PCDHA9: variants seen among roughly 807,000 people sequenced by gnomAD.
The protein encoded by PCDHA9 is protocadherin alpha 9.
In PCDHA9, 62 loss-of-function variants were observed where a neutral mutation model predicts 62.0. That is an observed-to-expected ratio of 1.00 (90% CI 0.81 to 1.23). PCDHA9 has a LOEUF of 1.23. Among genes scored for constraint, PCDHA9 ranks in the 50% most tolerant of loss-of-function variants. PCDHA9 has a pLI of 0.00. For missense variants in PCDHA9, 1,205 were observed against 1,249.8 expected (o/e 0.96, Z 0.54); for synonymous variants, 557 against 567.6 (o/e 0.98, Z 0.27).
chr5:140,977,872 T>A (rs1554238851), intron 1 of PCDHA9, among the ~76,000 whole-genome samples: 1 of 152,258 alleles, frequency 6.6e-6, no homozygotes, highest in African/African-American at 2.4e-5. Flanking sequence ...ATGGTAAGTA[T>A]AATGTAGAGG....
At chr5:140,857,103 C>G in intron 1 of PCDHA9, 1 of 1,597,644 alleles carries the variant, frequency 6.3e-7, no homozygotes, top group Non-Finnish European at 8.6e-7. Flanking sequence ...GTGATTGTCA[C>G]TTCTCTGTCT....
chr5:140,968,489 C>T (rs1024952304), intron 1 of PCDHA9: 30 of 1,614,008 alleles, frequency 1.9e-5, no homozygotes, highest in Non-Finnish European at 2.5e-5. Context: ...CATGAATGAC[C>T]ATGCCCCTCA....
chr5:140,972,399 T>C (rs1554234105), intron 1 of PCDHA9, among the ~76,000 whole-genome samples: 2 of 152,062 alleles, frequency 1.3e-5, no homozygotes, highest in South Asian at 2.1e-4. Context: ...TGCTTCACTA[T>C]TGGCAAACCC....
chr5:140,985,739 C>CTTT (rs11372071), intron 3 of PCDHA9, among the ~76,000 whole-genome samples: 39 of 117,922 alleles, frequency 3.3e-4, no homozygotes, highest in Non-Finnish European at 4.1e-4. Context: ...TGATGAATTC[C>CTTT]TTTTTTTTTT....
chr5:140,856,012 G>T, intron 1 of PCDHA9: 1 of 1,547,012 alleles, frequency 6.5e-7, no homozygotes, highest in Non-Finnish European at 8.8e-7. Context: ...GTTCTAGACC[G>T]CTGATTCGTC....
chr5:140,862,833 G>A (rs868966696), intron 1 of PCDHA9: 1 of 575,582 alleles, frequency 1.7e-6, no homozygotes, highest in Non-Finnish European at 3.3e-6. Flanking sequence ...CGCGCGACGC[G>A]GGCATGCCGC....
chr5:140,948,885 T>C (rs2094319889), intron 1 of PCDHA9, among the ~76,000 whole-genome samples: 1 of 151,652 alleles, frequency 6.6e-6, no homozygotes, highest in Non-Finnish European at 1.5e-5. Context: ...TTGCTCTCTT[T>C]TAGATTTTAA....
rs782636217 is a variant in PCDHA9 at position 140,928,409 on chromosome 5, C to T, written c.2395-50540C>T. The T allele has an allele frequency of 1.9e-6, 3 of 1,614,030 alleles. No individual in the cohort carries two copies. The Admixed American group carries it at 5.0e-5, about 27-fold the overall frequency. On this transcript the variant is annotated intron_variant, in intron 1 of 3. Coordinates refer to ENST00000532602, the MANE Select transcript of PCDHA9 (RefSeq NM_031857.2). ...CTGGCAGTGGAATCATCCAGTGGGG[C>T]CATCACTGCCAAAACTTCCTTTGAC...
chr5:141,000,015 G>A (rs960608216), intron 3 of PCDHA9, among the ~76,000 whole-genome samples: 8 of 151,984 alleles, frequency 5.3e-5, no homozygotes, highest in Non-Finnish European at 5.9e-5. Flanking sequence ...CCTCCCCATT[G>A]CTAAGCCTGA....
At chr5:140,861,726 T>C (rs571512824) in intron 1 of PCDHA9, 11 of 216,910 alleles carry the variant, frequency 5.1e-5, no homozygotes, top group African/African-American at 2.6e-4. Flanking sequence ...AATGCTCTGA[T>C]GACTTACATA....
rs1554143145 is a variant in PCDHA9 at position 140,849,656 on chromosome 5, C to T, written c.1161C>T (p.Cys387=). The T allele has an allele frequency of 2.4e-5, 38 of 1,598,658 alleles. 2 individuals are homozygous for T. Among genetic ancestry groups the T allele is most frequent in the Non-Finnish European group, 3.2e-5 (37 of 1,168,036 alleles). The change falls in exon 1 of 4, where the codon TGC becomes TGT. Residue 387 remains cysteine (C), a synonymous_variant. Transcript: ENST00000532602. The part of the protein sequence containing the change: ...LDADANGQVT[C]SLTPHVPFKL... The stretch of plus-strand genomic sequence containing the variant: ...CAGATGCCAACGGGCAGGTTACCTG[C>T]TCCCTGACGCCCCACGTCCCCTTCA...
chr5:140,944,317 A>G (rs2093641596), intron 1 of PCDHA9, among the ~76,000 whole-genome samples: 2 of 152,090 alleles, frequency 1.3e-5, no homozygotes. Flanking sequence ...CCTCCTGAGT[A>G]GCTGGGATTA....
rs560247030 is a variant in PCDHA9, at chr5:140,910,414, C to T, written c.2394+59525C>T. On this transcript the variant is annotated intron_variant, in intron 1 of 3. Transcript: ENST00000532602. ...GACTGGCCCCTGCCACCTCGAGATC[C>T]AATTATTCCCATTGCATTTAAGTTT... Among the ~76,000 whole-genome samples the T allele has an allele frequency of 2.6e-5, 4 of 152,258 alleles. No individual in the cohort carries two copies. In the East Asian group the frequency reaches 5.8e-4, roughly 22 times the overall value.
chr5:140,849,973 C>G lies in PCDHA9; in HGVS notation c.1478C>G (p.Ser493Trp). 1 of 1,597,728 alleles carries G rather than the reference C, an allele frequency of 6.3e-7. No individual in the cohort carries two copies. Among genetic ancestry groups the G allele is most frequent in the Non-Finnish European group, 8.6e-7 (1 of 1,167,892 alleles). ...CAGGAGAACGCCCTGGTGTCCTACTCGCTGGTGGAGCGGCGGTTGGGCGAG... is the reference window on the plus strand; with the variant it reads ...CAGGAGAACGCCCTGGTGTCCTACTGGCTGGTGGAGCGGCGGTTGGGCGAG... The part of the protein sequence containing the change: ...DAQENALVSY[S>W]LVERRLGERS... Residue 493 changes from serine to tryptophan, a missense_variant, in exon 1 of 4, where the codon TCG becomes TGG. Ser to Trp is a radical substitution (Grantham distance 177, BLOSUM62 -3). Transcript: ENST00000532602.
chr5:140,953,316 T>G (rs782746401), intron 1 of PCDHA9, among the ~76,000 whole-genome samples: 3 of 152,138 alleles, frequency 2.0e-5, no homozygotes, highest in Non-Finnish European at 2.9e-5. Flanking sequence ...TGGGAAGAAT[T>G]TGATCATAGA....
intron 1 of PCDHA9, chr5:140,927,566 A>G: frequency 6.2e-7 from 1 of 1,614,168 alleles, no homozygotes; most frequent in Non-Finnish European, 8.5e-7. Flanking sequence ...ATTGTGGTGG[A>G]CACAAATGAC....
Position 140,956,868 on chromosome 5 carries a change from G to A in PCDHA9, c.2395-22081G>A, listed in dbSNP as rs1161897507. Among the ~76,000 whole-genome samples, 4 of 152,082 alleles carry A rather than the reference G, an allele frequency of 2.6e-5. No individual in the cohort carries two copies. In the South Asian group the frequency reaches 8.3e-4, roughly 32 times the overall value. On this transcript the variant is annotated intron_variant, in intron 1 of 3. Transcript: ENST00000532602. ...GGGTTAAATGGTTGAATGAATGTGT[G>A]AAAAGTTAGATATCAATGAATGAAT...
At position 140,945,942 on chromosome 5, in the gene PCDHA9, A is replaced by G. The variant is rs534164272; in HGVS notation, c.2395-33007A>G. 2.0e-5 allele frequency among the ~76,000 whole-genome samples: 3 copies of G among 152,196 alleles called. No individual in the cohort carries two copies. In the South Asian group the frequency reaches 6.2e-4, roughly 32 times the overall value. ...ACTGATCTGAGCAATGATGTTTTTT[A>G]TATGACCCTGAAAGCACAGGCAATA... On this transcript the variant is annotated intron_variant, in intron 1 of 3. Coordinates refer to ENST00000532602, the MANE Select transcript of PCDHA9 (RefSeq NM_031857.2).
intron 3 of PCDHA9, among the ~76,000 whole-genome samples, chr5:141,000,403 A>G (rs1233777704): frequency 4.8e-5 from 4 of 84,110 alleles, no homozygotes; most frequent in Non-Finnish European, 9.0e-5. Context: ...CTCTATATAT[A>G]TATATATATA....
Sources: gnomAD v4.1 joint callset for allele counts (sites outside exome capture counted in the v4.1 genomes callset) on GRCh38, gnomAD v4.1.1 for gene constraint, MANE v1.5 for transcripts, NCBI Gene and HGNC (gene_info 2026-07-23, HGNC 2026-07-21) for gene names.